PPP6R3: variants seen among roughly 807,000 people sequenced by gnomAD.
PPP6R3 encodes the protein protein phosphatase 6 regulatory subunit 3, also known as serine/threonine-protein phosphatase 6 regulatory subunit 3.
A neutral mutation model predicts 110.7 loss-of-function variants in PPP6R3; 38 were observed. That is an observed-to-expected ratio of 0.34 (90% CI 0.26 to 0.45). The LOEUF is 0.45. PPP6R3 is among the 20% of genes least tolerant of loss of function. The pLI is 1.00. For missense variants in PPP6R3, 870 were observed against 1,062.4 expected (o/e 0.82, Z 2.52); for synonymous variants, 369 against 373.5 (o/e 0.99, Z 0.14).
intron 2 of PPP6R3, among the ~76,000 whole-genome samples, chr11:68,527,038 A>G (rs1459802646): frequency 6.6e-6 from 1 of 152,220 alleles, no homozygotes; most frequent in Non-Finnish European, 1.5e-5. Flanking sequence ...TACAGGGTGT[A>G]TATATAGACA....
At chr11:68,469,266 G>T (rs1197228650) in intron 1 of PPP6R3, among the ~76,000 whole-genome samples, 1 of 152,248 alleles carries the variant, frequency 6.6e-6, no homozygotes, top group Admixed American at 6.5e-5. Flanking sequence ...CCTGTGGGTT[G>T]TAGTTTGTCA....
intron 2 of PPP6R3, among the ~76,000 whole-genome samples, chr11:68,526,756 C>T (rs1213729791): frequency 1.3e-5 from 2 of 152,188 alleles, no homozygotes; most frequent in South Asian, 2.1e-4. Flanking sequence ...TTCAATGAAA[C>T]TTGTTCGTAG....
chr11:68,592,688 A>G (rs1022300926), intron 18 of PPP6R3, among the ~76,000 whole-genome samples: 1 of 152,218 alleles, frequency 6.6e-6, no homozygotes, highest in Non-Finnish European at 1.5e-5. Flanking sequence ...GTTATCTCCT[A>G]TGATCACAAG....
chr11:68,601,963 C>G lies in PPP6R3; in HGVS notation c.2293C>G (p.Pro765Ala). ...CAGTGCGGCTGCCCTGGCAGTGCAGCCAGAAGGTGCGTGCAGAGAGGCCTG... is the reference window on the plus strand; with the variant it reads ...CAGTGCGGCTGCCCTGGCAGTGCAGGCAGAAGGTGCGTGCAGAGAGGCCTG... ...TPSAAALAVQ[P>A]EAAGSVAMEA... Residue 765 changes from proline to alanine, a missense_variant, in exon 21 of 24, where the codon CCA becomes GCA. Pro to Ala is a conservative substitution (Grantham distance 27). Coordinates refer to ENST00000393800, the MANE Select transcript of PPP6R3 (RefSeq NM_001164161.2). 6.2e-7 allele frequency: 1 copy of G among 1,611,334 alleles called. No individual in the cohort carries two copies. The highest frequency in any genetic ancestry group is 1.3e-5 in the African/African-American group (1 of 74,972).
chr11:68,595,660 T>G (rs1435770896), intron 18 of PPP6R3, among the ~76,000 whole-genome samples: 2 of 152,238 alleles, frequency 1.3e-5, no homozygotes, highest in East Asian at 3.8e-4. Context: ...GACTTGTGTA[T>G]AGAGTTAAGA....
Position 68,548,330 on chromosome 11 carries a change from C to A in PPP6R3, c.552+126C>A, listed in dbSNP as rs10736668. On this transcript the variant is annotated intron_variant, in intron 5 of 23. Coordinates refer to ENST00000393800, the MANE Select transcript of PPP6R3 (RefSeq NM_001164161.2). ...GGTAGCAGAGGGTTGTCTGGGGAGC[C>A]GGTAACAGGGTGGGGAAGAAAGGTT... is the stretch of plus-strand genomic sequence containing the variant. 1 allele frequency: 1,261,627 copies of A among 1,262,012 alleles called. 630,623 individuals carry two copies. The highest frequency in any genetic ancestry group is 1 in the East Asian group (39,514 of 39,514). 78.2% of individuals were successfully genotyped at this position (1,262,012 alleles called of 1,614,324 possible). A position where few individuals can be genotyped will look rare whatever the true frequency, so the allele number is the denominator to read the frequency against.
rs956407871 is a variant in PPP6R3, at chr11:68,614,661, A to G, written c.*1544A>G. 3 of 1,520,072 alleles carry G rather than the reference A, an allele frequency of 2.0e-6. No individual in the cohort carries two copies. The highest frequency in any genetic ancestry group is 1.8e-6 in the Non-Finnish European group (2 of 1,139,056). 94.2% of individuals were successfully genotyped at this position (1,520,072 alleles called of 1,614,324 possible). On this transcript the variant is annotated 3_prime_UTR_variant, in exon 24 of 24. Coordinates refer to ENST00000393800, the MANE Select transcript of PPP6R3 (RefSeq NM_001164161.2). ...GTGGAGATTCCAGCACTCCCAGGAC[A>G]GTGGAGTCAGCAGTAAGCCCTGGGA... is the stretch of plus-strand genomic sequence containing the variant.
At chr11:68,534,093 A>G (rs1471414556) in intron 2 of PPP6R3, among the ~76,000 whole-genome samples, 1 of 152,132 alleles carries the variant, frequency 6.6e-6, no homozygotes, top group Admixed American at 6.6e-5. Flanking sequence ...GGCACAATGG[A>G]GGAAACTCTG....
intron 1 of PPP6R3, among the ~76,000 whole-genome samples, chr11:68,490,405 G>A (rs530840252): frequency 6.6e-6 from 1 of 151,944 alleles, no homozygotes; most frequent in Non-Finnish European, 1.5e-5. Flanking sequence ...ATTGCTCAGT[G>A]GTGTTTTTTT....
chr11:68,484,203 G>A (rs1444590229), intron 1 of PPP6R3, among the ~76,000 whole-genome samples: 1 of 152,166 alleles, frequency 6.6e-6, no homozygotes, highest in Non-Finnish European at 1.5e-5. Flanking sequence ...TTGTGTGGAC[G>A]TAAGTTTTTT....
At chr11:68,532,052 C>G (rs1478484548) in intron 2 of PPP6R3, among the ~76,000 whole-genome samples, 1 of 152,216 alleles carries the variant, frequency 6.6e-6, no homozygotes, top group Non-Finnish European at 1.5e-5. Flanking sequence ...TGTTCTACCT[C>G]TTATAAATAA....
rs2099278428 is a variant in PPP6R3 at position 68,537,836 on chromosome 11, G to A, written c.172G>A (p.Val58Ile). 3.7e-6 allele frequency: 6 copies of A among 1,613,952 alleles called. No homozygotes were observed. The highest frequency in any genetic ancestry group is 2.7e-5 in the African/African-American group (2 of 74,942). Reference protein sequence around the residue: ...LLKAECLEDLVSFIIEEPPQD... With the variant: ...LLKAECLEDLISFIIEEPPQD... Reference sequence around the variant, plus strand: ...AAAAGCAGAATGTCTCGAAGATTTAGTCTCATTCATTATAGAAGAACCACC... The same window carrying A: ...AAAAGCAGAATGTCTCGAAGATTTAATCTCATTCATTATAGAAGAACCACC... The change falls in exon 3 of 24, where the codon GTC becomes ATC. Residue 58 changes from valine (V) to isoleucine (I), a missense_variant. Val to Ile is a conservative substitution (Grantham distance 29). Transcript: ENST00000393800.
intron 1 of PPP6R3, among the ~76,000 whole-genome samples, chr11:68,509,537 A>G (rs974254691): frequency 2.0e-5 from 3 of 148,064 alleles, no homozygotes; most frequent in African/African-American, 7.5e-5. Context: ...CCATGTTTAA[A>G]GCTTTGATTA....
At chr11:68,488,439 G>A (rs2098962492) in intron 1 of PPP6R3, among the ~76,000 whole-genome samples, 1 of 152,112 alleles carries the variant, frequency 6.6e-6, no homozygotes, top group Non-Finnish European at 1.5e-5. Flanking sequence ...CTCCCAAAGA[G>A]TTGGGATTAT....
chr11:68,489,687 A>G (rs1318144240), intron 1 of PPP6R3, among the ~76,000 whole-genome samples: 1 of 151,700 alleles, frequency 6.6e-6, no homozygotes, highest in Non-Finnish European at 1.5e-5. Context: ...TATTGGTAAA[A>G]TACTTATAAT....
At chr11:68,477,380 G>GCT (rs1475165250) in intron 1 of PPP6R3, among the ~76,000 whole-genome samples, 2 of 151,528 alleles carry the variant, frequency 1.3e-5, no homozygotes, top group African/African-American at 4.9e-5. Context: ...CTTCATGATG[G>GCT]CTCAATTTAT....
At chr11:68,612,444 T>C (rs1171393635) in intron 23 of PPP6R3, among the ~76,000 whole-genome samples, 2 of 152,178 alleles carry the variant, frequency 1.3e-5, no homozygotes, top group Non-Finnish European at 2.9e-5. Flanking sequence ...GAATAGGTTA[T>C]ATATTCAGGT....
At chr11:68,533,980 C>G (rs1170149822) in intron 2 of PPP6R3, among the ~76,000 whole-genome samples, 1 of 152,076 alleles carries the variant, frequency 6.6e-6, no homozygotes, top group Admixed American at 6.6e-5. Flanking sequence ...ATTTGGGGAC[C>G]ACGGCACGTT....
chr11:68,504,031 C>T (rs571202767), intron 1 of PPP6R3, among the ~76,000 whole-genome samples: 1 of 152,304 alleles, frequency 6.6e-6, no homozygotes, highest in African/African-American at 2.4e-5. Flanking sequence ...AGCCACTTGG[C>T]CACGTGCCTA....
Sources: gnomAD v4.1 joint callset for allele counts (sites outside exome capture counted in the v4.1 genomes callset) on GRCh38, gnomAD v4.1.1 for gene constraint, MANE v1.5 for transcripts, NCBI Gene and HGNC (gene_info 2026-07-23, HGNC 2026-07-21) for gene names.